PTPRM: variants seen among roughly 807,000 people sequenced by gnomAD.
The protein encoded by PTPRM is receptor-type tyrosine-protein phosphatase mu.
Under a neutral mutation model 186.7 loss-of-function variants are expected in PTPRM, and 47 were observed. The observed-to-expected ratio is 0.25, with a 90% CI of 0.20 to 0.32. The LOEUF is 0.32. Ranked by LOEUF, PTPRM falls within the 10% of genes least tolerant of loss-of-function variation. PTPRM has a pLI of 1.00. For missense variants in PTPRM, 1,494 were observed against 1,865.0 expected, an observed-to-expected ratio of 0.80 and a Z score of 3.66; for synonymous variants, 668 against 674.9, an observed-to-expected ratio of 0.99 and a Z score of 0.16.
At chr18:7,858,226 A>T (rs2047183521) in intron 2 of PTPRM, among the ~76,000 whole-genome samples, 1 of 152,204 alleles carries the variant, frequency 6.6e-6, no homozygotes, top group Admixed American at 6.5e-5. Flanking sequence ...GAAATGTGGC[A>T]CTGAGAAACT....
At chr18:8,376,426 T>G in intron 25 of PTPRM, 36 bp from the exon 26 acceptor site, 1 of 1,613,750 alleles carries the variant, frequency 6.2e-7, no homozygotes, top group South Asian at 1.1e-5. Flanking sequence ...AGTGTGGTCC[T>G]TCTTCCTCCA....
At chr18:7,829,268 A>C (rs1405763015) in intron 2 of PTPRM, among the ~76,000 whole-genome samples, 2 of 152,210 alleles carry the variant, frequency 1.3e-5, no homozygotes, top group African/African-American at 4.8e-5. Context: ...TTTTCAGGAA[A>C]CTTGTATCTA....
At chr18:8,236,285 C>T (rs2094345197) in intron 14 of PTPRM, among the ~76,000 whole-genome samples, 1 of 152,152 alleles carries the variant, frequency 6.6e-6, no homozygotes, top group South Asian at 2.1e-4. Context: ...AATTTTATGT[C>T]TTCTTGAAGA....
chr18:8,063,115 G>A (rs1313372722), intron 7 of PTPRM, among the ~76,000 whole-genome samples: 11 of 151,444 alleles, frequency 7.3e-5, no homozygotes, highest in Admixed American at 1.3e-4. Context: ...GCGAGACTCC[G>A]TGGGCGTAGG....
chr18:7,992,728 T>A (rs1283755691), intron 7 of PTPRM, among the ~76,000 whole-genome samples: 1 of 152,100 alleles, frequency 6.6e-6, no homozygotes. Flanking sequence ...ATAGGCTAAT[T>A]AATATAAATG....
intron 20 of PTPRM, among the ~76,000 whole-genome samples, chr18:8,302,910 A>G (rs2095175733): frequency 6.6e-6 from 1 of 151,998 alleles, no homozygotes; most frequent in East Asian, 1.9e-4. Flanking sequence ...TGATTTGGGG[A>G]CATATTGAGA....
chr18:8,186,487 C>T (rs1204186790), intron 14 of PTPRM, among the ~76,000 whole-genome samples: 1 of 152,164 alleles, frequency 6.6e-6, no homozygotes, highest in Non-Finnish European at 1.5e-5. Context: ...GCTGTAGCTT[C>T]GTATTTTAAC....
intron 14 of PTPRM, among the ~76,000 whole-genome samples, chr18:8,224,812 C>T (rs984371906): frequency 5.3e-5 from 8 of 152,312 alleles, no homozygotes; most frequent in Admixed American, 2.0e-4. Context: ...TCATTTAACG[C>T]GTCCCTCAGT....
At chr18:8,040,403 G>T (rs539495852) in intron 7 of PTPRM, among the ~76,000 whole-genome samples, 2 of 152,198 alleles carry the variant, frequency 1.3e-5, no homozygotes, top group African/African-American at 4.8e-5. Flanking sequence ...TCATGGTATG[G>T]GTGCAATTAT....
intron 14 of PTPRM, among the ~76,000 whole-genome samples, chr18:8,187,478 G>A (rs1352310036): frequency 2.6e-5 from 4 of 152,166 alleles, no homozygotes; most frequent in African/African-American, 4.8e-5. Flanking sequence ...CTTTAGGTCA[G>A]GTGGAAGAGT....
chr18:8,354,180 T>TCC (rs375281513), intron 23 of PTPRM, among the ~76,000 whole-genome samples: 7 of 149,266 alleles, frequency 4.7e-5, no homozygotes, highest in African/African-American at 1.7e-4. Context: ...ACCATTGCAC[T>TCC]CCAGCCTGGG....
intron 23 of PTPRM, among the ~76,000 whole-genome samples, chr18:8,353,464 TG>T (rs2095546921): frequency 6.6e-6 from 1 of 152,098 alleles, no homozygotes; most frequent in Admixed American, 6.5e-5. Context: ...TGAAAGATGA[TG>T]TGGGCTTGAG....
At chr18:7,712,094 C>A (rs984083936) in intron 1 of PTPRM, among the ~76,000 whole-genome samples, 3 of 152,194 alleles carry the variant, frequency 2.0e-5, no homozygotes, top group African/African-American at 7.2e-5. Flanking sequence ...GGCCAACAGA[C>A]ACCTCATACA....
At chr18:8,388,266 A>G (rs529287674) in intron 31 of PTPRM, among the ~76,000 whole-genome samples, 65 of 152,370 alleles carry the variant, frequency 4.3e-4, no homozygotes, top group Middle Eastern at 3.4e-3. Context: ...GTCACTTTTC[A>G]GTGAAGTATC....
At chr18:8,037,646 T>A (rs1377250833) in intron 7 of PTPRM, among the ~76,000 whole-genome samples, 1 of 152,200 alleles carries the variant, frequency 6.6e-6, no homozygotes, top group Non-Finnish European at 1.5e-5. Context: ...TCTTTTAGTT[T>A]CCAATCCTCT....
chr18:7,759,526 C>T (rs1256040347), intron 1 of PTPRM, among the ~76,000 whole-genome samples: 1 of 152,154 alleles, frequency 6.6e-6, no homozygotes. Flanking sequence ...AAGGCTCATC[C>T]CAGGCATATT....
chr18:8,289,752 C>T (rs2095021552), intron 19 of PTPRM, among the ~76,000 whole-genome samples: 1 of 151,574 alleles, frequency 6.6e-6, no homozygotes, highest in Admixed American at 6.6e-5. Context: ...GCTCTGAATC[C>T]TGCAAAACAG....
intron 7 of PTPRM, among the ~76,000 whole-genome samples, chr18:8,026,099 GC>G (rs2085556053): frequency 6.6e-6 from 1 of 152,206 alleles, no homozygotes. Flanking sequence ...AAATTGCTAG[GC>G]TAAAATGCAA....
intron 14 of PTPRM, among the ~76,000 whole-genome samples, chr18:8,239,273 A>G (rs1601410673): frequency 1.3e-5 from 2 of 150,656 alleles, no homozygotes; most frequent in Admixed American, 1.3e-4. Context: ...GCGATAGTTT[A>G]CTGAGAATGA....
Sources: allele counts gnomAD v4.1 joint callset (sites outside exome capture counted in the v4.1 genomes callset), GRCh38; gene constraint gnomAD v4.1.1; transcripts MANE v1.5; gene names NCBI Gene and HGNC (gene_info 2026-07-23, HGNC 2026-07-21).